The following VTI1A variants were observed in gnomAD, a reference collection of about 807,000 sequenced individuals.
VTI1A encodes vesicle transport through interaction with t-SNAREs 1A, also known as vesicle transport through interaction with t-SNAREs homolog 1A.
In VTI1A, 22 loss-of-function variants were observed where a neutral mutation model predicts 34.9. That is an observed-to-expected ratio of 0.63 (90% CI 0.45 to 0.90). The LOEUF (loss-of-function observed/expected upper bound fraction) is 0.90, where lower values mean the gene tolerates loss of function less well. VTI1A is among the 40% of genes least tolerant of loss of function. The probability of loss-of-function intolerance (pLI) is 0.00; values close to 1 mark genes in which losing one functional copy is unlikely to be tolerated. For missense variants in VTI1A, 268 were observed against 275.6 expected (o/e 0.97, Z 0.20); for synonymous variants, 87 against 97.3 (o/e 0.89, Z 0.62).
At chr10:112,476,626 G>A (rs886422389) in intron 3 of VTI1A, among the ~76,000 whole-genome samples, 4 of 152,086 alleles carry the variant, frequency 2.6e-5, no homozygotes, top group Admixed American at 6.6e-5. Context: ...GCTTACTTAC[G>A]TTCTAGAATT....
chr10:112,476,145 G>GAAGCTA (rs1222471861), intron 3 of VTI1A, among the ~76,000 whole-genome samples: 1 of 152,178 alleles, frequency 6.6e-6, no homozygotes, highest in East Asian at 1.9e-4. Flanking sequence ...GGAACATGAA[G>GAAGCTA]AAGCTAATTG....
intron 3 of VTI1A, among the ~76,000 whole-genome samples, chr10:112,475,440 C>T (rs886806847): frequency 1.3e-5 from 2 of 152,194 alleles, no homozygotes; most frequent in Admixed American, 6.5e-5. Context: ...TCCTACCTTA[C>T]TTAACAATGA....
At chr10:112,681,565 T>C (rs559012529) in intron 7 of VTI1A, among the ~76,000 whole-genome samples, 1 of 152,340 alleles carries the variant, frequency 6.6e-6, no homozygotes, top group South Asian at 2.1e-4. Context: ...TTTTTAATTA[T>C]GATGAACTCT....
chr10:112,523,982 G>A (rs1266953228), intron 3 of VTI1A, among the ~76,000 whole-genome samples: 1 of 151,886 alleles, frequency 6.6e-6, no homozygotes, highest in East Asian at 1.9e-4. Context: ...TATTAACTTT[G>A]AATCTTCCAA....
chr10:112,598,044 A>T (rs1182216995), intron 5 of VTI1A, among the ~76,000 whole-genome samples: 1 of 152,122 alleles, frequency 6.6e-6, no homozygotes, highest in East Asian at 1.9e-4. Flanking sequence ...ACAACCTATG[A>T]GGGATACCTG....
At position 112,545,286 on chromosome 10, in the gene VTI1A, T is replaced by C. The variant is rs1337366711; in HGVS notation, c.427+6956T>C. On this transcript the variant is annotated intron_variant, in intron 5 of 7. Coordinates refer to ENST00000393077, the MANE Select transcript of VTI1A (RefSeq NM_145206.4). ...ATGGAGACTTATTAATCTTTGTGCCTTGTAGGGACAAATGGACAGTGGCCA... is the reference window on the plus strand; with the variant it reads ...ATGGAGACTTATTAATCTTTGTGCCCTGTAGGGACAAATGGACAGTGGCCA... Among the ~76,000 whole-genome samples the C allele has an allele frequency of 3.9e-5, 6 of 152,212 alleles. No homozygotes were observed. The South Asian group carries it at 8.3e-4, about 21-fold the overall frequency.
At chr10:112,501,732 G>C (rs1390027182) in intron 3 of VTI1A, among the ~76,000 whole-genome samples, 1 of 131,696 alleles carries the variant, frequency 7.6e-6, no homozygotes, top group African/African-American at 2.9e-5. Context: ...AAATTGAATA[G>C]TCAGATTGTT....
At chr10:112,843,048 C>T in the VTI1A span, among the ~76,000 whole-genome samples, 2 of 152,232 alleles carry the variant, frequency 1.3e-5, no homozygotes, top group African/African-American at 4.8e-5. Flanking sequence ...CCACCAACCT[C>T]AACAGCTGGA....
chr10:112,743,554 C>T lies in VTI1A; in HGVS notation c.561-71736C>T, dbSNP rs532186028. ...CAACATCCTCCACTCATTTCACTTC[C>T]GCCCCAGCTGGCCAGCGCCCTTTAG... On this transcript the variant is annotated intron_variant, in intron 7 of 7. Transcript: ENST00000393077. Among the ~76,000 whole-genome samples the T allele has an allele frequency of 5.9e-5, 9 of 152,260 alleles. No individual in the cohort carries two copies. In the East Asian group the frequency reaches 9.7e-4, roughly 16 times the overall value.
intron 5 of VTI1A, among the ~76,000 whole-genome samples, chr10:112,619,096 T>C (rs1330395277): frequency 6.6e-6 from 1 of 151,940 alleles, no homozygotes; most frequent in Non-Finnish European, 1.5e-5. Flanking sequence ...TAATATATGT[T>C]GTGCAGTGTG....
intron 1 of VTI1A, among the ~76,000 whole-genome samples, chr10:112,459,522 G>A (rs11195967): frequency 0.15 from 23,396 of 152,176 alleles, 2,053 homozygotes; most frequent in African/African-American, 0.24. Context: ...CATTTGCCAA[G>A]TCACTGTGAC....
chr10:112,477,621 G>A (rs1489829290), intron 3 of VTI1A, among the ~76,000 whole-genome samples: 2 of 152,242 alleles, frequency 1.3e-5, no homozygotes, highest in Non-Finnish European at 2.9e-5. Context: ...AATGGAGAAA[G>A]AGTGTTAGAT....
At chr10:112,627,030 G>A (rs974344585) in intron 5 of VTI1A, among the ~76,000 whole-genome samples, 3 of 152,164 alleles carry the variant, frequency 2.0e-5, no homozygotes, top group Non-Finnish European at 4.4e-5. Flanking sequence ...ATTATCCACA[G>A]TTGCCTGGCA....
intron 7 of VTI1A, among the ~76,000 whole-genome samples, chr10:112,750,739 T>C (rs1851073170): frequency 6.6e-6 from 1 of 152,216 alleles, no homozygotes; most frequent in African/African-American, 2.4e-5. Context: ...ATTTATTTTT[T>C]AATGAAATTT....
chr10:112,747,684 A>G (rs904241590), intron 7 of VTI1A, among the ~76,000 whole-genome samples: 4 of 152,190 alleles, frequency 2.6e-5, no homozygotes, highest in Non-Finnish European at 5.9e-5. Context: ...GGCTTGATAC[A>G]TGCTTGATTC....
the VTI1A span, among the ~76,000 whole-genome samples, chr10:112,841,281 A>G: frequency 1.3e-5 from 2 of 152,338 alleles, no homozygotes; most frequent in African/African-American, 4.8e-5. Flanking sequence ...GGTAAGTGAC[A>G]TTCTATCACA....
rs144790329 is a variant in VTI1A, at chr10:112,637,613, C to A, written c.428-30605C>A. On this transcript the variant is annotated intron_variant, in intron 5 of 7. Coordinates refer to ENST00000393077, the MANE Select transcript of VTI1A (RefSeq NM_145206.4). ...GGTGGAGGTTGCAGTGTGCCGAGAT[C>A]GCGCTACTGCACTGTAGCCTGGGTG... 4.4e-3 allele frequency among the ~76,000 whole-genome samples: 663 copies of A among 152,046 alleles called. 6 individuals are homozygous for A. Among genetic ancestry groups the A allele is most frequent in the African/African-American group, 0.015 (640 of 41,482 alleles).
chr10:112,839,795 G>A, the VTI1A span, among the ~76,000 whole-genome samples: 1 of 152,222 alleles, frequency 6.6e-6, no homozygotes, highest in South Asian at 2.1e-4. Flanking sequence ...CCTCTCAGGA[G>A]GGAGGAGCGC....
chr10:112,496,617 C>G (rs1589830613), intron 3 of VTI1A, among the ~76,000 whole-genome samples: 1 of 151,918 alleles, frequency 6.6e-6, no homozygotes, highest in African/African-American at 2.4e-5. Context: ...AAAATTATTG[C>G]TTTATTAAAC....
Sources: gnomAD v4.1 joint callset for allele counts (sites outside exome capture counted in the v4.1 genomes callset) on GRCh38, gnomAD v4.1.1 for gene constraint, MANE v1.5 for transcripts, NCBI Gene and HGNC (gene_info 2026-07-23, HGNC 2026-07-21) for gene names.